Variants in MAP3K19 observed in about 807,000 individuals in gnomAD.
MAP3K19 encodes the protein mitogen-activated protein kinase kinase kinase 19.
A neutral mutation model predicts 114.4 loss-of-function variants in MAP3K19; 91 were observed. The observed-to-expected ratio is 0.80, with a 90% confidence interval of 0.67 to 0.95. The LOEUF (loss-of-function observed/expected upper bound fraction) is 0.95. Ranked by LOEUF, MAP3K19 falls within the 40% of genes least tolerant of loss-of-function variation. MAP3K19 has a pLI of 0.00. For missense variants in MAP3K19, 1,471 were observed against 1,573.2 expected (o/e 0.94, Z 1.10); for synonymous variants, 518 against 530.5 (o/e 0.98, Z 0.32).
At chr2:134,981,897 T>TG (rs1454226901) in intron 11 of MAP3K19, among the ~76,000 whole-genome samples, 1,464 of 142,964 alleles carry the variant, frequency 0.01, 9 homozygotes, top group African/African-American at 0.032. Flanking sequence ...TTTTTTTTTT[T>TG]TTTGTTTGTT....
At chr2:135,023,682 C>A in intron 4 of MAP3K19, 1 of 418,376 alleles carries the variant, frequency 2.4e-6, no homozygotes, top group Non-Finnish European at 4.9e-6. Flanking sequence ...CTCCTAGACC[C>A]ACCACTCCCA....
chr2:134,982,929 A>C (rs1228150779), intron 11 of MAP3K19, among the ~76,000 whole-genome samples: 1 of 152,174 alleles, frequency 6.6e-6, no homozygotes, highest in African/African-American at 2.4e-5. Flanking sequence ...TAGGGTTTAG[A>C]TATATAATGT....
chr2:134,987,459 T>G lies in MAP3K19; in HGVS notation c.1413A>C (p.Ala471=), dbSNP rs759903841. 1 of 1,614,212 alleles carries G rather than the reference T, an allele frequency of 6.2e-7. No homozygotes were observed. Among genetic ancestry groups the G allele is most frequent in the Non-Finnish European group, 8.5e-7 (1 of 1,180,042 alleles). Residue 471 remains alanine (A), a synonymous_variant, in exon 10 of 13, where the codon GCA becomes GCC. Transcript: ENST00000392915. The part of the protein sequence containing the change: ...SMETNIKISI[A]ERAKPEMSRM... ...TACTCATTTCTGGTTTGGCTCTTTC[T>G]GCTATTGATATTTTTATGTTTGTCT...
intron 8 of MAP3K19, among the ~76,000 whole-genome samples, chr2:134,994,672 A>T (rs1186864035): frequency 6.6e-6 from 1 of 152,220 alleles, no homozygotes; most frequent in Non-Finnish European, 1.5e-5. Flanking sequence ...AGCTGAGAGA[A>T]AAGGTCCATT....
intron 2 of MAP3K19, among the ~76,000 whole-genome samples, chr2:135,033,363 TG>T (rs1443238356): frequency 1.3e-5 from 1 of 78,882 alleles, no homozygotes; most frequent in Non-Finnish European, 2.3e-5. Context: ...GCTGGCCGGG[TG>T]GGGGGCTGAC....
At chr2:135,007,515 ACT>A (rs1377265134) in intron 5 of MAP3K19, among the ~76,000 whole-genome samples, 1 of 150,334 alleles carries the variant, frequency 6.7e-6, no homozygotes, top group Non-Finnish European at 1.5e-5. Context: ...ACTAGTTCTT[ACT>A]CTTTCTTTTC....
Position 134,999,021 on chromosome 2 carries a change from A to T in MAP3K19, c.315-24T>A, listed in dbSNP as rs777531814. 3.8e-6 allele frequency: 6 copies of T among 1,598,324 alleles called. No individual in the cohort carries two copies. The highest frequency in any genetic ancestry group is 5.1e-6 in the Non-Finnish European group (6 of 1,173,724). On this transcript the variant is annotated intron_variant, in intron 7 of 12. Transcript: ENST00000392915. This position sits in a 1 kb window ranked among gnomAD's most constrained non-coding sequence, Gnocchi z 4.1. The stretch of plus-strand genomic sequence containing the variant: ...GACTAAAGGGGGAGGGAAATGTTTG[A>T]TTTAAAACTCAGTTGCCACATCTTC...
intron 9 of MAP3K19, among the ~76,000 whole-genome samples, chr2:134,989,171 G>T (rs1354563130): frequency 6.6e-6 from 1 of 152,036 alleles, no homozygotes; most frequent in Non-Finnish European, 1.5e-5. Context: ...AACTAAGCTA[G>T]TTTTTATTAT....
At chr2:134,983,906 CT>C in intron 10 of MAP3K19, 81 bp from the exon 11 acceptor site, 2 of 976,260 alleles carry the variant, frequency 2.0e-6, no homozygotes, top group Middle Eastern at 4.6e-4. Context: ...GTAAAGTCTT[CT>C]TTTCAAATGT....
In MAP3K19 at chr2:134,987,001, T is replaced by C; in HGVS notation, c.1871A>G (p.Gln624Arg). The change falls in exon 10 of 13, where the codon CAG (glutamine) becomes CGG (arginine). Residue 624 changes from glutamine to arginine, a missense_variant. Transcript: ENST00000392915. ...AACAGAGAGAGGAACACATGACTTCTGTGTTCCTGGATTTTTACAGATGCA... is the reference window on the plus strand; with the variant it reads ...AACAGAGAGAGGAACACATGACTTCCGTGTTCCTGGATTTTTACAGATGCA... ...FPCICKNPGT[Q>R]KSCVPLSVQP... is the part of the protein sequence containing the mutation. The C allele has an allele frequency of 6.2e-7, 1 of 1,613,612 alleles. No homozygotes were observed. Among genetic ancestry groups the C allele is most frequent in the African/African-American group, 1.3e-5 (1 of 75,046 alleles).
Position 135,004,277 on chromosome 2 carries a change from C to G in MAP3K19, c.235+1158G>C, listed in dbSNP as rs960841824. Among the ~76,000 whole-genome samples, 13 of 152,310 alleles carry G rather than the reference C, an allele frequency of 8.5e-5. No homozygotes were observed. The South Asian group carries it at 1.2e-3, about 15-fold the overall frequency. ...AAAGTCGAAGGAGGACTGCAAGGAC[C>G]GTTCTGAAGGGTTTCGGGGTTTATT... On this transcript the variant is annotated intron_variant, in intron 6 of 12. Transcript: ENST00000392915.
chr2:134,982,985 G>T (rs1684809634), intron 11 of MAP3K19, among the ~76,000 whole-genome samples: 1 of 152,178 alleles, frequency 6.6e-6, no homozygotes, highest in African/African-American at 2.4e-5. Flanking sequence ...TACATGCATA[G>T]AATGTGTAAT....
chr2:134,992,806 ATT>A (rs1159953878), intron 8 of MAP3K19, among the ~76,000 whole-genome samples: 1 of 151,872 alleles, frequency 6.6e-6, no homozygotes, highest in Non-Finnish European at 1.5e-5. Flanking sequence ...AGAAGCTGGG[ATT>A]ACAGGCACCT....
chr2:134,981,175 C>G lies in MAP3K19; in HGVS notation c.3566G>C (p.Gly1189Ala), dbSNP rs747333738. The G allele has an allele frequency of 6.2e-7, 1 of 1,614,100 alleles. No individual in the cohort carries two copies. The highest frequency in any genetic ancestry group is 8.5e-7 in the Non-Finnish European group (1 of 1,180,042). The change falls in exon 12 of 13, where the codon GGA becomes GCA. Residue 1189 changes from glycine to alanine, a missense_variant. Gly to Ala is a moderately conservative substitution (Grantham distance 60, BLOSUM62 0). Transcript: ENST00000392915. Reference sequence around the variant, plus strand: ...AGTTGGCATGAGCATAACATTATTTCCTTTGATATCGCGATGTACCACACA... The same window carrying G: ...AGTTGGCATGAGCATAACATTATTTGCTTTGATATCGCGATGTACCACACA... Reference protein sequence around the residue: ...ENCVVHRDIKGNNVMLMPTGI... With the variant: ...ENCVVHRDIKANNVMLMPTGI...
At chr2:134,966,244 CAGT>C (rs1683337480) in intron 12 of MAP3K19, among the ~76,000 whole-genome samples, 1 of 152,100 alleles carries the variant, frequency 6.6e-6, no homozygotes, top group Non-Finnish European at 1.5e-5. Context: ...GATAAATACT[CAGT>C]AGGAGGATTG....
chr2:134,986,938 T>C lies in MAP3K19; in HGVS notation c.1934A>G (p.Lys645Arg), dbSNP rs1471902817. 6.2e-7 allele frequency: 1 copy of C among 1,614,144 alleles called. No individual in the cohort carries two copies. The highest frequency in any genetic ancestry group is 8.5e-7 in the Non-Finnish European group (1 of 1,180,030). Residue 645 changes from lysine (K) to arginine (R), a missense_variant, in exon 10 of 13, where the codon AAG becomes AGG. Coordinates refer to ENST00000392915, the MANE Select transcript of MAP3K19 (RefSeq NM_025052.5). ...TEPRLNYLDL[K>R]YSDMFKEINS... Reference sequence around the variant, plus strand: ...GATTTCTTTGAACATATCACTATACTTAAGATCTAGGTAATTTAGTCTTGG... The same window carrying C: ...GATTTCTTTGAACATATCACTATACCTAAGATCTAGGTAATTTAGTCTTGG...
At chr2:134,968,431 G>A (rs1683560203) in intron 12 of MAP3K19, among the ~76,000 whole-genome samples, 1 of 148,990 alleles carries the variant, frequency 6.7e-6, no homozygotes. Flanking sequence ...TCCCAGTAGG[G>A]GCGGCCGGGC....
chr2:134,997,480 T>A lies in MAP3K19; in HGVS notation c.574+1258A>T, dbSNP rs140554885. 2.2e-3 allele frequency among the ~76,000 whole-genome samples: 338 copies of A among 152,282 alleles called. 1 individual carries two copies. The highest frequency in any genetic ancestry group is 7.7e-3 in the African/African-American group (318 of 41,562). On this transcript the variant is annotated intron_variant, in intron 8 of 12. Transcript: ENST00000392915. ...CACTGAACTGTACACTTGAAAATGA[T>A]TAAAATGGTCAATTTTATGTTACAC... is the stretch of plus-strand genomic sequence containing the variant.
chr2:135,041,512 T>C (rs62168942), intron 1 of MAP3K19, among the ~76,000 whole-genome samples: 40,264 of 151,844 alleles, frequency 0.27, 7,196 homozygotes, highest in African/African-American at 0.49. Context: ...CTAATTTTTG[T>C]AGTTTTTGGT....
Sources: gnomAD v4.1 joint callset for allele counts (sites outside exome capture counted in the v4.1 genomes callset) on GRCh38, gnomAD v4.1.1 for gene constraint, Gnocchi (gnomAD v3.1) non-coding constraint, MANE v1.5 for transcripts, NCBI Gene and HGNC (gene_info 2026-07-23, HGNC 2026-07-21) for gene names.